Variants in SLC2A9 observed in about 807,000 individuals in gnomAD.
SLC2A9 encodes solute carrier family 2, facilitated glucose transporter member 9.
SLC2A9 carries 39 observed loss-of-function variants against 50.6 expected under a neutral mutation model. That is an observed-to-expected ratio of 0.77 (90% CI 0.60 to 1.01). The LOEUF (loss-of-function observed/expected upper bound fraction) is 1.01, where lower values mean the gene tolerates loss of function less well. Ranked by LOEUF, SLC2A9 falls within the 50% of genes least tolerant of loss-of-function variation. SLC2A9 has a pLI of 0.00. For synonymous variants in SLC2A9, 324 were observed against 276.9 expected, an observed-to-expected ratio of 1.17 and a Z score of -1.69; for missense variants, 686 against 677.6, an observed-to-expected ratio of 1.01 and a Z score of -0.14.
chr4:9,966,426 T>C (rs6449177), intron 5 of SLC2A9, among the ~76,000 whole-genome samples: 72,409 of 151,970 alleles, frequency 0.48, 18,666 homozygotes, highest in African/African-American at 0.67. Context: ...TGGGCCAAGG[T>C]GGGTGGATCA....
intron 3 of SLC2A9, among the ~76,000 whole-genome samples, chr4:9,803,823 T>C (rs1475463449): frequency 1.3e-5 from 2 of 152,226 alleles, no homozygotes; most frequent in Non-Finnish European, 2.9e-5. Context: ...AATTGTTGGA[T>C]AAATGAATGA....
At chr4:9,771,932 A>G (rs866052028) in intron 1 of SLC2A9, among the ~76,000 whole-genome samples, 5 of 152,194 alleles carry the variant, frequency 3.3e-5, no homozygotes, top group African/African-American at 1.2e-4. Flanking sequence ...GAATGGGTGG[A>G]AGAGGGGTCT....
chr4:9,935,495 G>C (rs1038171449), intron 6 of SLC2A9, among the ~76,000 whole-genome samples: 1 of 152,186 alleles, frequency 6.6e-6, no homozygotes, highest in Non-Finnish European at 1.5e-5. Flanking sequence ...TCAGAACCTG[G>C]AGCTGAGCTG....
intron 8 of SLC2A9, among the ~76,000 whole-genome samples, chr4:9,891,325 G>C (rs1262256193): frequency 6.6e-6 from 1 of 152,188 alleles, no homozygotes; most frequent in African/African-American, 2.4e-5. Flanking sequence ...CACTTGGTCA[G>C]GAAACAGCTC....
intron 1 of SLC2A9, chr4:10,035,722 T>C (rs11731110): frequency 0.44 from 66,502 of 152,084 alleles, 16,150 homozygotes; most frequent in South Asian, 0.59. Flanking sequence ...CACCATCCAT[T>C]GACTGGTGGT....
At chr4:10,033,846 C>A (rs1221889900) in intron 1 of SLC2A9, among the ~76,000 whole-genome samples, 1 of 152,244 alleles carries the variant, frequency 6.6e-6, no homozygotes, top group Non-Finnish European at 1.5e-5. Context: ...GCCACCCAAA[C>A]TGTTCCCTTA....
intron 7 of SLC2A9, among the ~76,000 whole-genome samples, chr4:9,912,267 G>A (rs1241496379): frequency 6.6e-6 from 1 of 151,914 alleles, no homozygotes; most frequent in African/African-American, 2.4e-5. Flanking sequence ...TTGTGCACAT[G>A]TACCCTAAAA....
At chr4:9,796,466 T>C (rs1261023637), downstream of SLC2A9, among the ~76,000 whole-genome samples, 5 of 152,336 alleles carry the variant, frequency 3.3e-5, no homozygotes, top group African/African-American at 7.2e-5. Flanking sequence ...TGAATGGAGA[T>C]ATTTATCATG....
chr4:9,995,515 CCTT>C (rs1758492600), intron 3 of SLC2A9, among the ~76,000 whole-genome samples: 1 of 152,144 alleles, frequency 6.6e-6, no homozygotes, highest in Non-Finnish European at 1.5e-5. Context: ...GAAATGGGCT[CCTT>C]CTTAATCGGG....
intron 10 of SLC2A9, among the ~76,000 whole-genome samples, chr4:9,853,175 C>CAAAAAAAAAAAAAAAA (rs35342884): frequency 1.3e-5 from 1 of 79,468 alleles, no homozygotes; most frequent in African/African-American, 3.9e-5. Flanking sequence ...AACTCCCTCT[C>CAAAAAAAAAAAAAAAA]AAAAAAAAAA....
intron 2 of SLC2A9, among the ~76,000 whole-genome samples, chr4:9,998,400 C>T (rs1019426778): frequency 6.6e-6 from 1 of 152,188 alleles, no homozygotes; most frequent in Non-Finnish European, 1.5e-5. Flanking sequence ...GGAATGATGA[C>T]ATTGACCTCT....
At chr4:10,039,220 G>A (rs1296606383) in intron 1 of SLC2A9, among the ~76,000 whole-genome samples, 1 of 152,184 alleles carries the variant, frequency 6.6e-6, no homozygotes, top group Non-Finnish European at 1.5e-5. Context: ...ACTTTTCTCT[G>A]ACAGTGTAAG....
At chr4:9,782,815 G>A in intron 3 of SLC2A9, 7 of 1,613,708 alleles carry the variant, frequency 4.3e-6, no homozygotes, top group African/African-American at 1.3e-5. Flanking sequence ...TTTCCTCCCT[G>A]GAGAGGGCCG....
chr4:9,793,696 G>C (rs1384897148), intron 3 of SLC2A9, among the ~76,000 whole-genome samples: 1 of 152,150 alleles, frequency 6.6e-6, no homozygotes, highest in Non-Finnish European at 1.5e-5. Flanking sequence ...TTTGGTTTTG[G>C]TATTTCATGA....
In SLC2A9 at chr4:10,010,201, A is replaced by T. The variant is rs76224785; in HGVS notation, c.249+8774T>A. Among the ~76,000 whole-genome samples, 87 of 152,276 alleles carry T rather than the reference A, an allele frequency of 5.7e-4. 2 individuals are homozygous for T. The East Asian group carries it at 0.015, about 26-fold the overall frequency. On this transcript the variant is annotated intron_variant, in intron 2 of 11. Coordinates refer to ENST00000264784, the MANE Select transcript of SLC2A9 (RefSeq NM_020041.3). ...AATCACATCTACATGATGAAACCCC[A>T]ATAAAAATTTGGAACACTGAAGCTT...
chr4:10,007,901 G>T (rs556860136), intron 2 of SLC2A9, among the ~76,000 whole-genome samples: 1 of 152,178 alleles, frequency 6.6e-6, no homozygotes, highest in Admixed American at 6.5e-5. Context: ...CCGCCAGAAG[G>T]ATGAAATGAG....
rs548225437 is a variant in SLC2A9 at position 9,940,575 on chromosome 4, A to G, written c.814+1338T>C. 1.8e-4 allele frequency among the ~76,000 whole-genome samples: 27 copies of G among 152,334 alleles called. No individual in the cohort carries two copies. The South Asian group carries it at 5.6e-3, about 32-fold the overall frequency. The stretch of plus-strand genomic sequence containing the variant: ...CACTATCATTTCCATCATATTTTCA[A>G]AAGCCTCTATAAATCTCTATAAACC... On this transcript the variant is annotated intron_variant, in intron 6 of 11. Coordinates refer to ENST00000264784, the MANE Select transcript of SLC2A9 (RefSeq NM_020041.3).
At chr4:9,817,920 G>T (rs1040591143) in intron 3 of SLC2A9, among the ~76,000 whole-genome samples, 1 of 152,172 alleles carries the variant, frequency 6.6e-6, no homozygotes, top group African/African-American at 2.4e-5. Context: ...CTGTTTGCTG[G>T]TGTTTGGCAG....
At chr4:9,927,979 C>T (rs2110139669) in intron 6 of SLC2A9, among the ~76,000 whole-genome samples, 1 of 152,296 alleles carries the variant, frequency 6.6e-6, no homozygotes, top group Admixed American at 6.5e-5. Context: ...TGTAAAGAAT[C>T]CCCAAAAGCT....
Sources: allele counts gnomAD v4.1 joint callset (sites outside exome capture counted in the v4.1 genomes callset), GRCh38; gene constraint gnomAD v4.1.1; transcripts MANE v1.5; gene names NCBI Gene and HGNC (gene_info 2026-07-23, HGNC 2026-07-21).